CTNNA2: variants seen among roughly 807,000 people sequenced by gnomAD.
CTNNA2 encodes catenin alpha 2.
In CTNNA2, 42 loss-of-function variants were observed where a neutral mutation model predicts 101.0. The observed-to-expected ratio is 0.42, with a 90% CI of 0.32 to 0.54. CTNNA2 has a LOEUF of 0.54. Ranked by LOEUF, CTNNA2 falls within the 20% of genes least tolerant of loss-of-function variation. CTNNA2 has a pLI of 0.14. For synonymous variants in CTNNA2, 450 were observed against 456.4 expected (o/e 0.99, Z 0.18); for missense variants, 871 against 1,223.1 (o/e 0.71, Z 4.29).
At chr2:80,464,318 A>G (rs1025069768) in intron 9 of CTNNA2, among the ~76,000 whole-genome samples, 1 of 152,188 alleles carries the variant, frequency 6.6e-6, no homozygotes, top group Non-Finnish European at 1.5e-5. Context: ...TCATCATGGT[A>G]CCAGGTTTTC....
intron 1 of CTNNA2, among the ~76,000 whole-genome samples, chr2:79,650,750 A>G (rs1681182150): frequency 2.0e-5 from 3 of 150,004 alleles, no homozygotes; most frequent in Admixed American, 1.3e-4. Context: ...CTCGTCATCT[A>G]GCATTAGGTG....
At chr2:79,806,275 C>T (rs191216259) in intron 3 of CTNNA2, among the ~76,000 whole-genome samples, 4 of 151,696 alleles carry the variant, frequency 2.6e-5, no homozygotes, top group East Asian at 3.9e-4. Context: ...TCTAAGAGTA[C>T]GTGAAGGGAG....
At chr2:80,316,923 G>C (rs527891009) in intron 7 of CTNNA2, among the ~76,000 whole-genome samples, 3 of 152,284 alleles carry the variant, frequency 2.0e-5, no homozygotes, top group Non-Finnish European at 4.4e-5. Flanking sequence ...GAAAATTAAA[G>C]AAGACCATCT....
rs143648851 is a variant in CTNNA2 at position 79,381,188 on chromosome 2, G to A, written c.-135+7175G>A. ...AGAACTCACAAGCGTATTTAAAAAGGGAAAGCTAGAACTGCAAGCAGCCTT... is the reference window on the plus strand; with the variant it reads ...AGAACTCACAAGCGTATTTAAAAAGAGAAAGCTAGAACTGCAAGCAGCCTT... On this transcript the variant is annotated intron_variant, in intron 4 of 21. Coordinates refer to the CTNNA2 transcript ENST00000466387. Among the ~76,000 whole-genome samples the A allele has an allele frequency of 3.0e-4, 45 of 152,234 alleles. 2 individuals are homozygous for A. The East Asian group carries it at 8.3e-3, about 28-fold the overall frequency.
chr2:80,627,446 T>C (rs542772715), intron 18 of CTNNA2, among the ~76,000 whole-genome samples: 1 of 152,326 alleles, frequency 6.6e-6, no homozygotes, highest in South Asian at 2.1e-4. Flanking sequence ...GTGGCTTTGA[T>C]TTGCATTTCT....
At chr2:79,621,155 C>G (rs1442376280) in intron 1 of CTNNA2, among the ~76,000 whole-genome samples, 1 of 152,122 alleles carries the variant, frequency 6.6e-6, no homozygotes, top group Non-Finnish European at 1.5e-5. Flanking sequence ...AGTAGTTTCA[C>G]CCCATTTTCG....
intron 6 of CTNNA2, among the ~76,000 whole-genome samples, chr2:79,885,640 C>T (rs139595716): frequency 1.1e-3 from 170 of 152,320 alleles, no homozygotes; most frequent in African/African-American, 3.9e-3. Flanking sequence ...AGTCATTTGA[C>T]TACAGACATC....
chr2:80,621,115 C>A (rs553166845), intron 18 of CTNNA2, among the ~76,000 whole-genome samples: 2 of 151,926 alleles, frequency 1.3e-5, no homozygotes, highest in South Asian at 2.1e-4. Flanking sequence ...TCTATCTCTG[C>A]GCTTGACTTG....
chr2:80,153,536 G>A (rs185942920), intron 7 of CTNNA2, among the ~76,000 whole-genome samples: 16 of 152,200 alleles, frequency 1.1e-4, no homozygotes, highest in Admixed American at 7.9e-4. Flanking sequence ...AATAATAACC[G>A]CCTGTTTTCT....
rs191227330 is a variant in CTNNA2 at position 80,564,354 on chromosome 2, A to G, written c.1741+8461A>G. On this transcript the variant is annotated intron_variant, in intron 12 of 18. Coordinates refer to ENST00000402739, the MANE Select transcript of CTNNA2 (RefSeq NM_001282597.3). The stretch of plus-strand genomic sequence containing the variant: ...GTGCCATCCTTTTAAGTTATAAACC[A>G]TTTGTGATTATTTTTGAAATGCTTA... 1.1e-3 allele frequency among the ~76,000 whole-genome samples: 168 copies of G among 152,282 alleles called. 2 individuals are homozygous for G. The highest frequency in any genetic ancestry group is 3.9e-3 in the African/African-American group (164 of 41,570).
rs1433111363 is a variant in CTNNA2, at chr2:79,966,942, G to C, written c.1056+57145G>C. On this transcript the variant is annotated intron_variant, in intron 7 of 18. Transcript: ENST00000402739. Reference sequence around the variant, plus strand: ...CTTTCCTGGAGGTTCTTCTGCTCCTGATTCTAAAATTCGCAGTGCCTTGGC... The same window carrying C: ...CTTTCCTGGAGGTTCTTCTGCTCCTCATTCTAAAATTCGCAGTGCCTTGGC... 2.0e-5 allele frequency among the ~76,000 whole-genome samples: 3 copies of C among 151,942 alleles called. No individual in the cohort carries two copies. In the South Asian group the frequency reaches 6.2e-4, roughly 32 times the overall value.
chr2:79,496,235 A>G (rs1360316027), intron 4 of CTNNA2, among the ~76,000 whole-genome samples: 2 of 152,192 alleles, frequency 1.3e-5, no homozygotes, highest in Non-Finnish European at 2.9e-5. Flanking sequence ...TATAAGCTTT[A>G]GAATTTTTTT....
At chr2:80,187,626 TTA>T (rs1706213830) in intron 7 of CTNNA2, among the ~76,000 whole-genome samples, 2 of 152,122 alleles carry the variant, frequency 1.3e-5, no homozygotes, top group Admixed American at 6.5e-5. Context: ...CCATTGAACT[TTA>T]CAAGGCAAAG....
At chr2:79,415,758 T>C (rs1678472339) in intron 4 of CTNNA2, among the ~76,000 whole-genome samples, 2 of 152,060 alleles carry the variant, frequency 1.3e-5, no homozygotes, top group African/African-American at 4.8e-5. Context: ...TTTTTTTTCA[T>C]CCCAGTAGAG....
At chr2:80,119,827 A>T (rs767193295) in intron 7 of CTNNA2, among the ~76,000 whole-genome samples, 2 of 152,150 alleles carry the variant, frequency 1.3e-5, no homozygotes, top group Non-Finnish European at 2.9e-5. Flanking sequence ...TCTTAATGTG[A>T]TCTCCAGTGG....
At position 80,566,768 on chromosome 2, in the gene CTNNA2, A is replaced by C. The variant is rs544766124; in HGVS notation, c.1742-7395A>C. On this transcript the variant is annotated intron_variant, in intron 12 of 18. Coordinates refer to ENST00000402739, the MANE Select transcript of CTNNA2 (RefSeq NM_001282597.3). The stretch of plus-strand genomic sequence containing the variant: ...ACAGATAAGAGTCAGGGAATGGTAC[A>C]TAGACAAAGCTGGTACATAATTCAA... Among the ~76,000 whole-genome samples, 30 of 152,328 alleles carry C rather than the reference A, an allele frequency of 2.0e-4. 1 individual carries two copies. The South Asian group carries it at 5.8e-3, about 29-fold the overall frequency.
chr2:79,874,933 C>T (rs1343276424), intron 6 of CTNNA2, among the ~76,000 whole-genome samples: 1 of 152,186 alleles, frequency 6.6e-6, no homozygotes, highest in Non-Finnish European at 1.5e-5. Context: ...TAAAGGGGCA[C>T]ATGTTATGGG....
rs140086836 is a variant in CTNNA2 at position 79,743,622 on chromosome 2, C to T, written c.103-765C>T. ...GATCTAGATTAACTGCAACCTCTGC[C>T]TCCCGAGTTCAAGCGATTCTCCTGC... On this transcript the variant is annotated intron_variant, in intron 2 of 18. Transcript: ENST00000402739. Among the ~76,000 whole-genome samples, 1,121 of 151,902 alleles carry T rather than the reference C, an allele frequency of 7.4e-3. 29 individuals are homozygous for T. Among genetic ancestry groups the T allele is most frequent in the South Asian group, 0.068 (325 of 4,802 alleles).
At position 80,041,701 on chromosome 2, in the gene CTNNA2, A is replaced by C. The variant is rs192448664; in HGVS notation, c.1056+131904A>C. On this transcript the variant is annotated intron_variant, in intron 7 of 18. Transcript: ENST00000402739. The stretch of plus-strand genomic sequence containing the variant: ...TATGTATTTATAGAATGGATAATAC[A>C]TAAAACAAATTAGAGGGTAAAACGC... 3.9e-5 allele frequency among the ~76,000 whole-genome samples: 6 copies of C among 152,352 alleles called. No homozygotes were observed. In the East Asian group the frequency reaches 1.2e-3, roughly 29 times the overall value.
Sources: gnomAD v4.1 joint callset for allele counts (sites outside exome capture counted in the v4.1 genomes callset) on GRCh38, gnomAD v4.1.1 for gene constraint, MANE v1.5 for transcripts, NCBI Gene and HGNC (gene_info 2026-07-23, HGNC 2026-07-21) for gene names.